Variants in KLHL29 observed in about 807,000 individuals in gnomAD.
The protein encoded by KLHL29 is kelch like family member 29.
A neutral mutation model predicts 80.4 loss-of-function variants in KLHL29; 21 were observed. The ratio of observed to expected loss-of-function variants is 0.26; its 90% CI spans 0.19 to 0.38. The LOEUF (loss-of-function observed/expected upper bound fraction) is 0.38. KLHL29 is among the 10% of genes least tolerant of loss of function. The probability of loss-of-function intolerance (pLI) is 1.00; values close to 1 mark genes in which losing one functional copy is unlikely to be tolerated. For missense variants in KLHL29, 867 were observed against 1,223.9 expected, an observed-to-expected ratio of 0.71 and a Z score of 4.35; for synonymous variants, 511 against 526.8, an observed-to-expected ratio of 0.97 and a Z score of 0.41.
chr2:23,389,373 T>C (rs759417282), intron 1 of KLHL29, among the ~76,000 whole-genome samples: 3 of 152,198 alleles, frequency 2.0e-5, no homozygotes, highest in Admixed American at 6.5e-5. Context: ...TACTGACTTA[T>C]TAGGATCAGG....
chr2:23,438,656 G>C (rs1663417130), intron 1 of KLHL29, among the ~76,000 whole-genome samples: 1 of 149,324 alleles, frequency 6.7e-6, no homozygotes, highest in Non-Finnish European at 1.5e-5. Context: ...TCCCAGGGAT[G>C]AAGCCCACTT....
At chr2:23,411,106 G>A (rs1015456949) in intron 1 of KLHL29, among the ~76,000 whole-genome samples, 4 of 152,192 alleles carry the variant, frequency 2.6e-5, no homozygotes, top group African/African-American at 9.7e-5. Flanking sequence ...ACAGTGGCAT[G>A]GATAAAGATG....
At chr2:23,431,708 A>G (rs561104543) in intron 1 of KLHL29, among the ~76,000 whole-genome samples, 6 of 152,264 alleles carry the variant, frequency 3.9e-5, no homozygotes, top group Non-Finnish European at 8.8e-5. Flanking sequence ...CCTGGCTAAC[A>G]CGGTGAAACC....
chr2:23,572,566 AT>A (rs1667740512), intron 3 of KLHL29, among the ~76,000 whole-genome samples: 1 of 152,192 alleles, frequency 6.6e-6, no homozygotes, highest in Non-Finnish European at 1.5e-5. Flanking sequence ...GAATGAATGG[AT>A]TAATATATAT....
chr2:23,522,289 A>G (rs1332929304), intron 2 of KLHL29, among the ~76,000 whole-genome samples: 1 of 152,060 alleles, frequency 6.6e-6, no homozygotes, highest in South Asian at 2.1e-4. Flanking sequence ...AGTTGGGACT[A>G]TAGGCGTGTA....
intron 2 of KLHL29, among the ~76,000 whole-genome samples, chr2:23,479,318 C>G (rs1323483612): frequency 6.6e-6 from 1 of 151,950 alleles, no homozygotes; most frequent in Admixed American, 6.6e-5. Flanking sequence ...ATTTGGGATT[C>G]TGGTCCGTTC....
intron 8 of KLHL29, among the ~76,000 whole-genome samples, chr2:23,694,565 T>C (rs1369921032): frequency 6.6e-6 from 1 of 152,236 alleles, no homozygotes; most frequent in African/African-American, 2.4e-5. Context: ...GCAGTCCTTG[T>C]TGAGCATGAG....
chr2:23,423,555 T>C (rs920272), intron 1 of KLHL29, among the ~76,000 whole-genome samples: 76,809 of 152,148 alleles, frequency 0.5, 21,418 homozygotes, highest in African/African-American at 0.76. Context: ...CAAAGGGAAA[T>C]GGCCTCTGTG....
intron 2 of KLHL29, among the ~76,000 whole-genome samples, chr2:23,558,049 G>A (rs1001575369): frequency 1.3e-5 from 2 of 152,212 alleles, no homozygotes; most frequent in Non-Finnish European, 2.9e-5. Context: ...GGTCATAGAT[G>A]TTTGCAAAGG....
At chr2:23,554,802 A>G (rs907518894) in intron 2 of KLHL29, among the ~76,000 whole-genome samples, 1 of 152,114 alleles carries the variant, frequency 6.6e-6, no homozygotes, top group Admixed American at 6.5e-5. Context: ...TTATTTACTC[A>G]TGAATTATTC....
At chr2:23,626,678 C>T (rs992996291) in intron 3 of KLHL29, among the ~76,000 whole-genome samples, 2 of 152,208 alleles carry the variant, frequency 1.3e-5, no homozygotes, top group African/African-American at 2.4e-5. Flanking sequence ...AGGGGGGCCG[C>T]GTTCCTTGTA....
At chr2:23,442,362 G>T (rs1572516253) in intron 1 of KLHL29, among the ~76,000 whole-genome samples, 1 of 152,128 alleles carries the variant, frequency 6.6e-6, no homozygotes, top group Admixed American at 6.6e-5. Context: ...CAAAGTGCTG[G>T]ATTTAGAGGT....
intron 5 of KLHL29, among the ~76,000 whole-genome samples, chr2:23,648,902 G>C (rs531086634): frequency 6.6e-6 from 1 of 152,260 alleles, no homozygotes; most frequent in East Asian, 1.9e-4. Flanking sequence ...CTAGAAAAAG[G>C]GTGTCTCTAA....
intron 5 of KLHL29, among the ~76,000 whole-genome samples, chr2:23,646,732 T>C (rs1401186433): frequency 6.6e-6 from 1 of 152,230 alleles, no homozygotes; most frequent in Non-Finnish European, 1.5e-5. Context: ...TCATCCTCGC[T>C]GCTGCATTCA....
intron 5 of KLHL29, among the ~76,000 whole-genome samples, chr2:23,653,924 TG>T (rs1572468901): frequency 1.3e-5 from 2 of 152,148 alleles, no homozygotes; most frequent in African/African-American, 2.4e-5. Context: ...CCCAGCACTT[TG>T]GGAGGCTGAG....
chr2:23,526,175 G>T (rs1666309820), intron 2 of KLHL29, among the ~76,000 whole-genome samples: 1 of 152,224 alleles, frequency 6.6e-6, no homozygotes, highest in Non-Finnish European at 1.5e-5. Context: ...CTTTGTTCTA[G>T]AGGAAGCTGC....
intron 2 of KLHL29, among the ~76,000 whole-genome samples, chr2:23,531,461 G>A (rs80164659): frequency 0.021 from 3,220 of 152,228 alleles, 108 homozygotes; most frequent in African/African-American, 0.073. Context: ...CGCCTCCCTC[G>A]TGGGGCTCTG....
intron 3 of KLHL29, among the ~76,000 whole-genome samples, chr2:23,631,889 T>G (rs1669477705): frequency 6.6e-6 from 1 of 152,172 alleles, no homozygotes; most frequent in Non-Finnish European, 1.5e-5. Flanking sequence ...CAGGTCCTGA[T>G]GAGCAGCATC....
At chr2:23,444,972 C>T (rs1426366871) in intron 1 of KLHL29, among the ~76,000 whole-genome samples, 1 of 152,118 alleles carries the variant, frequency 6.6e-6, no homozygotes, top group East Asian at 1.9e-4. Flanking sequence ...TATAGCAGGT[C>T]CTCAATGTCA....
Sources: allele counts gnomAD v4.1 joint callset (sites outside exome capture counted in the v4.1 genomes callset), GRCh38; gene constraint gnomAD v4.1.1; transcripts MANE v1.5; gene names NCBI Gene and HGNC (gene_info 2026-07-23, HGNC 2026-07-21).